LRRN3: variants seen among roughly 807,000 people sequenced by gnomAD.
LRRN3 encodes the protein leucine-rich repeat neuronal protein 3.
In LRRN3, 15 loss-of-function variants were observed where a neutral mutation model predicts 40.1. That is an observed-to-expected ratio of 0.37 (90% CI 0.25 to 0.58). The LOEUF is 0.58. Ranked by LOEUF, LRRN3 falls within the 20% of genes least tolerant of loss-of-function variation. The probability of loss-of-function intolerance (pLI) is 0.72; values close to 1 mark genes in which losing one functional copy is unlikely to be tolerated. For missense variants in LRRN3, 746 were observed against 837.7 expected, an observed-to-expected ratio of 0.89 and a Z score of 1.35; for synonymous variants, 308 against 297.2, an observed-to-expected ratio of 1.04 and a Z score of -0.37.
intron 1 of LRRN3, among the ~76,000 whole-genome samples, chr7:111,097,882 T>C (rs1797570701): frequency 6.6e-6 from 1 of 151,876 alleles, no homozygotes; most frequent in Non-Finnish European, 1.5e-5. Context: ...ACACAGATTA[T>C]ATTTTGATTT....
In LRRN3 at chr7:111,124,780, A is replaced by G. The variant is rs1051082896; in HGVS notation, c.2008A>G (p.Thr670Ala). The change falls in exon 3 of 3, where the codon ACC becomes GCC. Residue 670 changes from threonine to alanine, a missense_variant. Physicochemically the swap from Thr to Ala is moderately conservative, Grantham distance 58. Transcript: ENST00000308478. ...TGTGAGGAATTACTTACAGAAACCA[A>G]CCTTTGCATTAGGTGAGCTTTATCC... ...SYVRNYLQKP[T>A]FALGELYPPL... is the part of the protein sequence containing the mutation. 4.3e-6 allele frequency: 7 copies of G among 1,613,738 alleles called. No homozygotes were observed. The highest frequency in any genetic ancestry group is 1.7e-5 in the Admixed American group (1 of 59,968).
chr7:111,116,816 G>C (rs1430614124), intron 2 of LRRN3, among the ~76,000 whole-genome samples: 7 of 152,148 alleles, frequency 4.6e-5, no homozygotes, highest in Admixed American at 1.3e-4. Flanking sequence ...TATACAGTTG[G>C]AGGAAACACC....
intron 2 of LRRN3, among the ~76,000 whole-genome samples, chr7:111,102,284 T>A (rs1208367183): frequency 6.6e-6 from 1 of 151,418 alleles, no homozygotes; most frequent in Non-Finnish European, 1.5e-5. Context: ...TCCTGTCAAA[T>A]CATTCTTTTT....
chr7:111,104,088 C>T (rs1438572002), intron 2 of LRRN3, among the ~76,000 whole-genome samples: 2 of 151,712 alleles, frequency 1.3e-5, no homozygotes, highest in Non-Finnish European at 1.5e-5. Flanking sequence ...AACAACTCTT[C>T]ATATCTCTGA....
intron 1 of LRRN3, chr7:111,097,050 T>C (rs1370074833): frequency 6.6e-6 from 1 of 151,878 alleles, no homozygotes; most frequent in Non-Finnish European, 1.5e-5. Flanking sequence ...CCACAGATAA[T>C]CAGCTACTCT....
chr7:111,108,230 A>G lies in LRRN3; in HGVS notation c.-359+8268A>G, dbSNP rs554364568. Reference sequence around the variant, plus strand: ...TCTGGCCTGCAGCCACATCAAACCAATTTTCTAGAGGACTTTTCTCAGTAC... The same window carrying G: ...TCTGGCCTGCAGCCACATCAAACCAGTTTTCTAGAGGACTTTTCTCAGTAC... On this transcript the variant is annotated intron_variant, in intron 2 of 2. Coordinates refer to ENST00000308478, the MANE Select transcript of LRRN3 (RefSeq NM_001099658.2). Among the ~76,000 whole-genome samples, 4 of 152,182 alleles carry G rather than the reference A, an allele frequency of 2.6e-5. 1 individual carries two copies. The South Asian group carries it at 6.2e-4, about 24-fold the overall frequency.
intron 2 of LRRN3, among the ~76,000 whole-genome samples, chr7:111,120,572 A>C (rs932525810): frequency 3.3e-5 from 5 of 152,142 alleles, no homozygotes; most frequent in Admixed American, 3.3e-4. Flanking sequence ...GATGTAATAA[A>C]ATTGTTTTTT....
rs1586438508 is a variant in LRRN3, at chr7:111,124,071, T to C, written c.1299T>C (p.Asn433=). 6.2e-7 allele frequency: 1 copy of C among 1,613,970 alleles called. No individual in the cohort carries two copies. Residue 433 remains asparagine (N), a synonymous_variant, in exon 3 of 3, where the codon AAT becomes AAC. Coordinates refer to ENST00000308478, the MANE Select transcript of LRRN3 (RefSeq NM_001099658.2). ...IAPESFPSNL[N]VEAGSYVSFH... is the part of the protein sequence containing the mutation. ...CTGAGAGCTTTCCTTCTAATCTAAA[T>C]GTAGAAGCTGGGAGCTATGTTTCCT...
chr7:111,118,731 T>A (rs1034226037), intron 2 of LRRN3, among the ~76,000 whole-genome samples: 1 of 152,110 alleles, frequency 6.6e-6, no homozygotes, highest in East Asian at 1.9e-4. Context: ...TAATGAAATA[T>A]CATAATCATT....
In LRRN3 at chr7:111,100,077, C is replaced by T. The variant is rs980653225; in HGVS notation, c.-359+115C>T. 3 of 151,648 alleles carry T rather than the reference C, an allele frequency of 2.0e-5. No individual in the cohort carries two copies. In the East Asian group the frequency reaches 5.8e-4, roughly 29 times the overall value. The allele number at this position is 151,648 out of a possible 1,614,324, so 9.4% of individuals were successfully genotyped here. ...CATTGGAAAGGTCCTGATTTGAACCCTGAATGTCTGACTCTGAAGCCCATG... is the reference window on the plus strand; with the variant it reads ...CATTGGAAAGGTCCTGATTTGAACCTTGAATGTCTGACTCTGAAGCCCATG... On this transcript the variant is annotated intron_variant, in intron 2 of 2. Transcript: ENST00000308478.
Position 111,114,479 on chromosome 7 carries a change from T to C in LRRN3, c.-358-7936T>C, listed in dbSNP as rs1290389319. On this transcript the variant is annotated intron_variant, in intron 2 of 2. Transcript: ENST00000308478. ...TTGGCTGGGCACAGTGACCCACACC[T>C]GTAATCCCAGCACTTTGTGAGTTCA... Among the ~76,000 whole-genome samples the C allele has an allele frequency of 2.6e-5, 4 of 152,236 alleles. No individual in the cohort carries two copies. The East Asian group carries it at 7.7e-4, about 29-fold the overall frequency.
chr7:111,101,567 A>G (rs1797979960), intron 2 of LRRN3, among the ~76,000 whole-genome samples: 2 of 151,494 alleles, frequency 1.3e-5, no homozygotes, highest in Admixed American at 1.3e-4. Flanking sequence ...TACTTGAGAC[A>G]ATCGTTCGAA....
chr7:111,092,016 C>G lies in LRRN3; in HGVS notation c.-441+512C>G, dbSNP rs150368671. The stretch of plus-strand genomic sequence containing the variant: ...ACCAAATGGGGCATTTTTATTTTGT[C>G]TCATCCAGTGGATGCAAATTAAGGC... On this transcript the variant is annotated intron_variant, in intron 1 of 2. Transcript: ENST00000308478. 4.4e-3 allele frequency among the ~76,000 whole-genome samples: 668 copies of G among 152,296 alleles called. 3 individuals are homozygous for G. The highest frequency in any genetic ancestry group is 0.015 in the African/African-American group (628 of 41,568).
intron 2 of LRRN3, among the ~76,000 whole-genome samples, chr7:111,119,769 G>A (rs1033689581): frequency 6.6e-6 from 1 of 152,016 alleles, no homozygotes; most frequent in African/African-American, 2.4e-5. Flanking sequence ...CCAGAAGATA[G>A]GATGCAAAGC....
chr7:111,118,606 C>G (rs1219511769), intron 2 of LRRN3, among the ~76,000 whole-genome samples: 1 of 151,896 alleles, frequency 6.6e-6, no homozygotes, highest in African/African-American at 2.4e-5. Flanking sequence ...CTCACAAGTT[C>G]ATTAATATTA....
At chr7:111,102,733 A>G (rs545573982) in intron 2 of LRRN3, among the ~76,000 whole-genome samples, 76 of 151,684 alleles carry the variant, frequency 5.0e-4, no homozygotes, top group Admixed American at 1.3e-3. Context: ...GTGCTATTCT[A>G]TTAGAAACTT....
intron 2 of LRRN3, among the ~76,000 whole-genome samples, chr7:111,101,859 C>T (rs965681406): frequency 8.6e-5 from 13 of 151,410 alleles, no homozygotes; most frequent in African/African-American, 2.9e-4. Context: ...GGTATACCAT[C>T]CACAGTCATT....
At chr7:111,094,438 C>T (rs1489112282) in intron 1 of LRRN3, among the ~76,000 whole-genome samples, 1 of 152,054 alleles carries the variant, frequency 6.6e-6, no homozygotes, top group Non-Finnish European at 1.5e-5. Flanking sequence ...GTGGCTCCAG[C>T]CAGTCTGAAG....
intron 2 of LRRN3, among the ~76,000 whole-genome samples, chr7:111,114,858 G>T (rs573940395): frequency 1.3e-5 from 2 of 152,036 alleles, no homozygotes; most frequent in South Asian, 4.2e-4. Flanking sequence ...TTTTATTTTA[G>T]AAATGAAGTC....
Sources: gnomAD v4.1 joint callset for allele counts (sites outside exome capture counted in the v4.1 genomes callset) on GRCh38, gnomAD v4.1.1 for gene constraint, MANE v1.5 for transcripts, NCBI Gene and HGNC (gene_info 2026-07-23, HGNC 2026-07-21) for gene names.